Variants in REDIC1 observed in about 807,000 individuals in gnomAD.
REDIC1 encodes the protein HEI10 Interacting Protein 1.
chr12:39,691,340 A>G, the REDIC1 span, among the ~76,000 whole-genome samples: 1 of 152,162 alleles, frequency 6.6e-6, no homozygotes, highest in Non-Finnish European at 1.5e-5. Flanking sequence ...TCTATATCCT[A>G]CCAACAGAGA....
chr12:39,805,098 C>A, the REDIC1 span, among the ~76,000 whole-genome samples: 1 of 101,014 alleles, frequency 9.9e-6, no homozygotes, highest in Non-Finnish European at 2.1e-5. Context: ...TGAGGGTCAT[C>A]AGTGACGACA....
At chr12:39,697,662 T>TA in the REDIC1 span, among the ~76,000 whole-genome samples, 5 of 152,226 alleles carry the variant, frequency 3.3e-5, no homozygotes, top group Non-Finnish European at 7.3e-5. Flanking sequence ...CTCATTTTTT[T>TA]ATGCAAACAA....
the REDIC1 span, among the ~76,000 whole-genome samples, chr12:39,633,937 C>G: frequency 2.0e-5 from 3 of 152,110 alleles, no homozygotes; most frequent in African/African-American, 7.2e-5. Flanking sequence ...TCCATTTGAA[C>G]TTTAAAGTAG....
At chr12:39,864,781 C>T in the REDIC1 span, 31 of 1,613,736 alleles carry the variant, frequency 1.9e-5, no homozygotes, top group East Asian at 4.5e-4. Flanking sequence ...GTGCAAGTGG[C>T]GTTCTGACCT....
the REDIC1 span, among the ~76,000 whole-genome samples, chr12:39,879,263 G>A: frequency 6.6e-6 from 1 of 152,242 alleles, no homozygotes; most frequent in African/African-American, 2.4e-5. Context: ...GAAATGTGGG[G>A]TTGAGCCCTC....
the REDIC1 span, among the ~76,000 whole-genome samples, chr12:39,855,965 G>T: frequency 6.6e-6 from 1 of 152,168 alleles, no homozygotes; most frequent in Non-Finnish European, 1.5e-5. Flanking sequence ...CCTGTTTTAT[G>T]CCCAGAGACC....
the REDIC1 span, among the ~76,000 whole-genome samples, chr12:39,667,958 G>A: frequency 6.6e-6 from 1 of 152,072 alleles, no homozygotes; most frequent in South Asian, 2.1e-4. Context: ...GCCTATGTGT[G>A]TCTCTGCGGG....
the REDIC1 span, among the ~76,000 whole-genome samples, chr12:39,881,405 A>G: frequency 7.7e-4 from 118 of 152,260 alleles, no homozygotes; most frequent in South Asian, 2.7e-3. Context: ...TGTTTAAGGT[A>G]TGTATGCATC....
At chr12:39,754,263 C>G in the REDIC1 span, 17 of 152,192 alleles carry the variant, frequency 1.1e-4, no homozygotes, top group South Asian at 1.5e-3. Flanking sequence ...CAGGATTGGA[C>G]AATTAAATGA....
At chr12:39,879,261 G>A in the REDIC1 span, among the ~76,000 whole-genome samples, 1 of 152,234 alleles carries the variant, frequency 6.6e-6, no homozygotes, top group Non-Finnish European at 1.5e-5. Context: ...GGGAAATGTG[G>A]GGTTGAGCCC....
the REDIC1 span, chr12:39,684,220 G>T: frequency 1.6e-4 from 161 of 1,011,722 alleles, no homozygotes; most frequent in Middle Eastern, 1.2e-3. Flanking sequence ...CTGCCTTCCA[G>T]GCTTTTCTGA....
chr12:39,736,333 G>T, the REDIC1 span, among the ~76,000 whole-genome samples: 2 of 152,210 alleles, frequency 1.3e-5, no homozygotes, highest in East Asian at 3.9e-4. Flanking sequence ...TTCCACCATT[G>T]TATGTCAGTG....
the REDIC1 span, among the ~76,000 whole-genome samples, chr12:39,898,697 T>A: frequency 6.6e-6 from 1 of 152,238 alleles, no homozygotes; most frequent in South Asian, 2.1e-4. Flanking sequence ...CAGATTGCAA[T>A]CTCCCATTTG....
the REDIC1 span, among the ~76,000 whole-genome samples, chr12:39,687,120 T>C: frequency 6.6e-6 from 1 of 152,160 alleles, no homozygotes; most frequent in Non-Finnish European, 1.5e-5. Flanking sequence ...CCGCCAGTCT[T>C]TACGAAGTTC....
chr12:39,855,701 C>T, the REDIC1 span, among the ~76,000 whole-genome samples: 2 of 152,258 alleles, frequency 1.3e-5, no homozygotes, highest in East Asian at 1.9e-4. Context: ...CTATATTCTT[C>T]GATTTCCTAA....
the REDIC1 span, among the ~76,000 whole-genome samples, chr12:39,711,527 G>A: frequency 2.9e-5 from 4 of 137,376 alleles, no homozygotes; most frequent in African/African-American, 5.4e-5. Context: ...ATGTGTATAT[G>A]TGTATATACA....
chr12:39,723,628 G>A, the REDIC1 span, among the ~76,000 whole-genome samples: 1 of 151,916 alleles, frequency 6.6e-6, no homozygotes, highest in Non-Finnish European at 1.5e-5. Flanking sequence ...GTTCTACCCA[G>A]ATGAAACAAA....
the REDIC1 span, among the ~76,000 whole-genome samples, chr12:39,688,443 T>C: frequency 6.6e-6 from 1 of 152,226 alleles, no homozygotes; most frequent in African/African-American, 2.4e-5. Context: ...TTTAGAAATT[T>C]CAAGTACCTT....
At chr12:39,723,877 G>A in the REDIC1 span, among the ~76,000 whole-genome samples, 3 of 152,032 alleles carry the variant, frequency 2.0e-5, no homozygotes, top group Non-Finnish European at 2.9e-5. Context: ...TACTTTTAAA[G>A]CACTTATAAC....
Sources: allele counts gnomAD v4.1 joint callset (sites outside exome capture counted in the v4.1 genomes callset), GRCh38; gene constraint gnomAD v4.1.1; transcripts MANE v1.5; gene names NCBI Gene and HGNC (gene_info 2026-07-23, HGNC 2026-07-21).